EPHA6: variants seen among roughly 807,000 people sequenced by gnomAD.
EPHA6 encodes the protein ephrin type-A receptor 6.
A neutral mutation model predicts 112.0 loss-of-function variants in EPHA6; 50 were observed. The observed-to-expected ratio is 0.45, with a 90% CI of 0.36 to 0.56. The LOEUF (loss-of-function observed/expected upper bound fraction) is 0.56. Among genes scored for constraint, EPHA6 ranks in the 20% least tolerant of loss-of-function variants. The probability of loss-of-function intolerance (pLI) is 0.00; values close to 1 mark genes in which losing one functional copy is unlikely to be tolerated. For synonymous variants in EPHA6, 529 were observed against 490.7 expected, an observed-to-expected ratio of 1.08 and a Z score of -1.03; for missense variants, 1,280 against 1,417.4, an observed-to-expected ratio of 0.90 and a Z score of 1.56.
intron 5 of EPHA6, among the ~76,000 whole-genome samples, chr3:97,360,773 A>T (rs1325936497): frequency 6.6e-6 from 1 of 152,246 alleles, no homozygotes; most frequent in African/African-American, 2.4e-5. Flanking sequence ...AATCAACTAT[A>T]TAGGACATAA....
chr3:96,936,719 A>C (rs2040605267), intron 2 of EPHA6, among the ~76,000 whole-genome samples: 1 of 152,062 alleles, frequency 6.6e-6, no homozygotes, highest in South Asian at 2.1e-4. Context: ...TTAACTTGTC[A>C]TTTAGCTTTA....
At chr3:97,421,847 A>G (rs891354851) in intron 6 of EPHA6, among the ~76,000 whole-genome samples, 23 of 152,084 alleles carry the variant, frequency 1.5e-4, no homozygotes, top group African/African-American at 5.3e-4. Flanking sequence ...CAGAAGTGGC[A>G]CTGCAGATCA....
At chr3:97,218,228 G>A (rs2078088092) in intron 3 of EPHA6, among the ~76,000 whole-genome samples, 1 of 151,816 alleles carries the variant, frequency 6.6e-6, no homozygotes, top group South Asian at 2.1e-4. Flanking sequence ...CTGTGATCAT[G>A]CCACTGCACT....
chr3:96,888,589 G>GT, intron 2 of EPHA6, among the ~76,000 whole-genome samples: 1 of 152,298 alleles, frequency 6.6e-6, no homozygotes, highest in Middle Eastern at 3.4e-3. Flanking sequence ...TGAGCTCTAT[G>GT]TTGAACTCTT....
intron 14 of EPHA6, among the ~76,000 whole-genome samples, chr3:97,675,553 T>C (rs1192336780): frequency 6.6e-6 from 1 of 152,142 alleles, no homozygotes; most frequent in East Asian, 1.9e-4. Flanking sequence ...ATAATTCTTG[T>C]TTTGAACTTT....
intron 5 of EPHA6, among the ~76,000 whole-genome samples, chr3:97,324,221 C>A (rs988361524): frequency 1.3e-5 from 2 of 152,018 alleles, no homozygotes; most frequent in Non-Finnish European, 2.9e-5. Flanking sequence ...TGAGGGATAA[C>A]TCAAATGCCA....
In EPHA6 at chr3:96,936,919, T is replaced by A. The variant is rs971105933; in HGVS notation, c.451-50411T>A. Among the ~76,000 whole-genome samples, 14 of 152,316 alleles carry A rather than the reference T, an allele frequency of 9.2e-5. No individual in the cohort carries two copies. The South Asian group carries it at 1.4e-3, about 16-fold the overall frequency. ...ATGATGGTTTCCACTTTCATCCATG[T>A]CCCTACAAAGGCCATGAACTACTCC... On this transcript the variant is annotated intron_variant, in intron 2 of 17. Coordinates refer to ENST00000389672, the MANE Select transcript of EPHA6 (RefSeq NM_001080448.3).
chr3:97,236,307 A>T (rs1161269152), intron 4 of EPHA6, among the ~76,000 whole-genome samples: 1 of 151,902 alleles, frequency 6.6e-6, no homozygotes. Flanking sequence ...CAGAAAACAC[A>T]AAGTAGGAGA....
intron 14 of EPHA6, among the ~76,000 whole-genome samples, chr3:97,656,953 T>TATGATAATA: frequency 6.6e-6 from 1 of 151,926 alleles, no homozygotes; most frequent in Non-Finnish European, 1.5e-5. Flanking sequence ...TGTTTAACCA[T>TATGATAATA]CCTCTTAATC....
In EPHA6 at chr3:97,755,249, G is replaced by A. The variant is rs1423521466; in HGVS notation, c.*6548G>A. ...CTCTTAAATGTTAAATAAAGATGTG[G>A]CTTCTATATTTAATTAAAAAATAAG... On this transcript the variant is annotated 3_prime_UTR_variant, in exon 18 of 18. Transcript: ENST00000389672. 6.6e-6 allele frequency among the ~76,000 whole-genome samples: 1 copy of A among 152,126 alleles called. No homozygotes were observed. The highest frequency in any genetic ancestry group is 1.5e-5 in the Non-Finnish European group (1 of 68,010).
intron 3 of EPHA6, among the ~76,000 whole-genome samples, chr3:97,111,410 G>T (rs1039161435): frequency 3.3e-5 from 5 of 152,032 alleles, no homozygotes; most frequent in African/African-American, 1.2e-4. Flanking sequence ...TAAGCAATAT[G>T]TGCTATCATA....
intron 10 of EPHA6, among the ~76,000 whole-genome samples, chr3:97,491,488 G>GAAA (rs2091836569): frequency 6.6e-6 from 1 of 152,128 alleles, no homozygotes; most frequent in African/African-American, 2.4e-5. Context: ...TGACCAGGAG[G>GAAA]GTCTCTGTCT....
chr3:97,641,807 T>G (rs1201881578), intron 14 of EPHA6, among the ~76,000 whole-genome samples: 1 of 152,274 alleles, frequency 6.6e-6, no homozygotes, highest in East Asian at 1.9e-4. Flanking sequence ...GGAGTCTCGC[T>G]GATTGCTAGC....
At chr3:97,581,090 C>T (rs2093433205) in intron 11 of EPHA6, among the ~76,000 whole-genome samples, 1 of 152,166 alleles carries the variant, frequency 6.6e-6, no homozygotes. Context: ...CAAATTGCTC[C>T]ACCCTCAAGA....
intron 2 of EPHA6, among the ~76,000 whole-genome samples, chr3:96,902,594 G>A (rs892816176): frequency 2.6e-5 from 4 of 152,098 alleles, no homozygotes; most frequent in Admixed American, 6.6e-5. Context: ...GACTCATCTA[G>A]GCTATTGATG....
chr3:97,514,863 G>A (rs890988007), intron 10 of EPHA6, among the ~76,000 whole-genome samples: 5 of 152,236 alleles, frequency 3.3e-5, no homozygotes, highest in East Asian at 3.9e-4. Flanking sequence ...ATCAGGAGCC[G>A]AACTGGCCAG....
At chr3:97,278,269 A>ATT (rs1055017732) in intron 5 of EPHA6, among the ~76,000 whole-genome samples, 1 of 152,186 alleles carries the variant, frequency 6.6e-6, no homozygotes, top group African/African-American at 2.4e-5. Context: ...TTATAAGTCT[A>ATT]TTTGTATGAA....
At chr3:97,744,431 A>C (rs2035630234) in intron 16 of EPHA6, among the ~76,000 whole-genome samples, 1 of 152,040 alleles carries the variant, frequency 6.6e-6, no homozygotes, top group Non-Finnish European at 1.5e-5. Flanking sequence ...GAAGCCAGAA[A>C]ATAGCAACAT....
At chr3:96,842,825 C>G (rs1182223848) in intron 1 of EPHA6, among the ~76,000 whole-genome samples, 14 of 152,004 alleles carry the variant, frequency 9.2e-5, no homozygotes, top group Admixed American at 9.2e-4. Context: ...TGTTACAGCT[C>G]TAAAATCTAT....
Sources: gnomAD v4.1 joint callset for allele counts (sites outside exome capture counted in the v4.1 genomes callset) on GRCh38, gnomAD v4.1.1 for gene constraint, MANE v1.5 for transcripts, NCBI Gene and HGNC (gene_info 2026-07-23, HGNC 2026-07-21) for gene names.